Variants in RBMS1 observed in about 807,000 individuals in gnomAD.
RBMS1 encodes the protein RNA binding motif single stranded interacting protein 1, also known as RNA-binding motif, single-stranded-interacting protein 1.
Under a neutral mutation model 62.3 loss-of-function variants are expected in RBMS1, and 17 were observed. The observed-to-expected ratio is 0.27, with a 90% CI of 0.19 to 0.41. The LOEUF (loss-of-function observed/expected upper bound fraction) is 0.41. Ranked by LOEUF, RBMS1 falls within the 10% of genes least tolerant of loss-of-function variation. The probability of loss-of-function intolerance (pLI) is 1.00; values close to 1 mark genes in which losing one functional copy is unlikely to be tolerated. For synonymous variants in RBMS1, 172 were observed against 170.0 expected (o/e 1.01, Z -0.09); for missense variants, 334 against 504.5 (o/e 0.66, Z 3.24).
In RBMS1 at chr2:160,275,626, A is replaced by G; in HGVS notation, c.*7+4T>C. The stretch of plus-strand genomic sequence containing the variant: ...CCCCAGTTATGAAGACCTTTCCCTC[A>G]TACCTCACAGTTACTTATTAGGTTG... On this transcript the variant is annotated splice_donor_region_variant and intron_variant, in intron 13 of 13. Transcript: ENST00000348849. The G allele has an allele frequency of 6.2e-7, 1 of 1,613,220 alleles. No individual in the cohort carries two copies. The highest frequency in any genetic ancestry group is 1.1e-5 in the South Asian group (1 of 91,022).
At chr2:160,299,741 T>A (rs1287168124) in intron 6 of RBMS1, among the ~76,000 whole-genome samples, 1 of 152,110 alleles carries the variant, frequency 6.6e-6, no homozygotes, top group African/African-American at 2.4e-5. Flanking sequence ...TCAATTTTAT[T>A]CATCAAGTAG....
At chr2:160,462,892 G>A (rs1049492210) in intron 1 of RBMS1, among the ~76,000 whole-genome samples, 4 of 152,074 alleles carry the variant, frequency 2.6e-5, no homozygotes, top group South Asian at 2.1e-4. Context: ...CACAGCACCT[G>A]GCCAGCCAAA....
chr2:160,346,816 C>A (rs900295470), intron 2 of RBMS1, among the ~76,000 whole-genome samples: 12 of 152,004 alleles, frequency 7.9e-5, no homozygotes, highest in African/African-American at 2.7e-4. Context: ...GAGTTATGAA[C>A]AAAATTTCTT....
At chr2:160,393,754 A>T (rs1454136311) in intron 1 of RBMS1, among the ~76,000 whole-genome samples, 2 of 150,936 alleles carry the variant, frequency 1.3e-5, no homozygotes, top group Admixed American at 1.3e-4. Context: ...TCCAGCCTGG[A>T]CAACAAGAGA....
intron 1 of RBMS1, among the ~76,000 whole-genome samples, chr2:160,439,924 G>A (rs917388159): frequency 7.2e-5 from 11 of 151,968 alleles, no homozygotes; most frequent in Admixed American, 1.3e-4. Flanking sequence ...GCGTGGCGGC[G>A]CGCGCCTGCA....
At chr2:160,309,558 G>C (rs1324763244) in intron 4 of RBMS1, among the ~76,000 whole-genome samples, 1 of 152,184 alleles carries the variant, frequency 6.6e-6, no homozygotes, top group Non-Finnish European at 1.5e-5. Flanking sequence ...TAGACCATTA[G>C]ATTATCAGGA....
rs1687784286 is a variant in RBMS1 at position 160,275,446 on chromosome 2, A to G, written c.*7+184T>C. The G allele has an allele frequency of 9.5e-6, 11 of 1,163,782 alleles. No individual in the cohort carries two copies. In the Admixed American group the frequency reaches 1.6e-4, roughly 17 times the overall value. 72.1% of individuals were successfully genotyped at this position (1,163,782 alleles called of 1,614,324 possible). ...AGTATAAAGCATTCTCTTTAGACAA[A>G]ATGATTAATCTTAAATTCATAAAAT... On this transcript the variant is annotated intron_variant, in intron 13 of 13. Transcript: ENST00000348849.
At chr2:160,440,445 C>T (rs186520396) in intron 1 of RBMS1, among the ~76,000 whole-genome samples, 2 of 152,262 alleles carry the variant, frequency 1.3e-5, no homozygotes, top group Admixed American at 1.3e-4. Context: ...CATCGTTTGA[C>T]TCCCAAGCTG....
intron 1 of RBMS1, among the ~76,000 whole-genome samples, chr2:160,370,955 T>C (rs1297445287): frequency 2.0e-5 from 3 of 152,200 alleles, no homozygotes; most frequent in Non-Finnish European, 4.4e-5. Context: ...CTTAAAAAAA[T>C]CAGTTTTAAA....
intron 6 of RBMS1, among the ~76,000 whole-genome samples, chr2:160,300,375 A>G (rs530185463): frequency 6.6e-6 from 1 of 152,338 alleles, no homozygotes; most frequent in East Asian, 1.9e-4. Flanking sequence ...GAGGATGGTG[A>G]TAAGGTGGTT....
chr2:160,466,339 A>G (rs943022563), intron 1 of RBMS1, among the ~76,000 whole-genome samples: 5 of 152,176 alleles, frequency 3.3e-5, no homozygotes, highest in African/African-American at 7.2e-5. Flanking sequence ...ATATAACAAA[A>G]TATAAATATA....
intron 1 of RBMS1, among the ~76,000 whole-genome samples, chr2:160,438,304 C>T (rs1391841600): frequency 1.4e-5 from 2 of 147,234 alleles, no homozygotes; most frequent in Non-Finnish European, 3.0e-5. Context: ...GTGTTTCTCG[C>T]AGAGGGGGAT....
chr2:160,365,934 A>T (rs1173916741), intron 2 of RBMS1, among the ~76,000 whole-genome samples: 1 of 152,196 alleles, frequency 6.6e-6, no homozygotes, highest in Admixed American at 6.5e-5. Flanking sequence ...GCAATGACAA[A>T]CCCCAAGAGC....
At chr2:160,284,319 T>TTGC (rs1207876158) in intron 9 of RBMS1, 1 of 155,592 alleles carries the variant, frequency 6.4e-6, no homozygotes, top group African/African-American at 2.4e-5. Context: ...GTCAGCTGCA[T>TTGC]TGCTCACTTA....
In RBMS1 at chr2:160,493,254, C is replaced by T; in HGVS notation, c.75+35G>A. ...CCCTGCGCGCGTCCCCGGGCCCCCT[C>T]CTCCGGCCGTCACCTCTCCCCGGCG... On this transcript the variant is annotated intron_variant, in intron 1 of 13. Transcript: ENST00000348849. 1.9e-6 allele frequency: 3 copies of T among 1,601,460 alleles called. No homozygotes were observed. In the South Asian group the frequency reaches 3.3e-5, roughly 18 times the overall value.
chr2:160,414,983 T>C (rs768921239), intron 1 of RBMS1, among the ~76,000 whole-genome samples: 7 of 152,192 alleles, frequency 4.6e-5, no homozygotes, highest in Non-Finnish European at 5.9e-5. Context: ...TTTGTAGCTA[T>C]AGATCAAATT....
In RBMS1 at chr2:160,278,672, G is replaced by A. The variant is rs376231540; in HGVS notation, c.952-14C>T. ...TAACACGGCACCCTGGGGAGTTGGA[G>A]ACAGGAGCAAAATTAGACAAACTGA... is the stretch of plus-strand genomic sequence containing the variant. On this transcript the variant is annotated splice_polypyrimidine_tract_variant and intron_variant, in intron 10 of 13. Transcript: ENST00000348849. 3.9e-4 allele frequency: 615 copies of A among 1,565,312 alleles called. 2 individuals carry two copies. In the Middle Eastern group the frequency reaches 8.8e-3, roughly 22 times the overall value.
At chr2:160,351,006 A>G (rs898090678) in intron 2 of RBMS1, among the ~76,000 whole-genome samples, 8 of 152,098 alleles carry the variant, frequency 5.3e-5, no homozygotes, top group Non-Finnish European at 7.4e-5. Context: ...ATAAAAAAGG[A>G]TAAGTTCATG....
At chr2:160,288,422 C>T (rs1407556309) in intron 6 of RBMS1, among the ~76,000 whole-genome samples, 3 of 152,054 alleles carry the variant, frequency 2.0e-5, no homozygotes, top group Admixed American at 2.0e-4. Context: ...ACTTCTCTGC[C>T]AAAAAACAAA....
Sources: allele counts gnomAD v4.1 joint callset (sites outside exome capture counted in the v4.1 genomes callset), GRCh38; gene constraint gnomAD v4.1.1; transcripts MANE v1.5; gene names NCBI Gene and HGNC (gene_info 2026-07-23, HGNC 2026-07-21).